The following SLC35D2 variants were observed in gnomAD, a reference collection of about 807,000 sequenced individuals.
SLC35D2 encodes nucleotide sugar transporter SLC35D2.
SLC35D2 carries 43 observed loss-of-function variants against 41.8 expected under a neutral mutation model. The observed-to-expected ratio is 1.03, with a 90% CI of 0.81 to 1.33. SLC35D2 has a LOEUF of 1.33. SLC35D2 is among the 40% of genes most tolerant of loss of function. The pLI is 0.00. For missense variants in SLC35D2, 380 were observed against 408.4 expected (o/e 0.93, Z 0.60); for synonymous variants, 150 against 163.9 (o/e 0.92, Z 0.65).
chr9:96,356,212 G>A (rs1333604354), intron 4 of SLC35D2, among the ~76,000 whole-genome samples: 1 of 152,180 alleles, frequency 6.6e-6, no homozygotes, highest in Non-Finnish European at 1.5e-5. Context: ...GCCCTCACCA[G>A]ATGCAGATGC....
intron 1 of SLC35D2, among the ~76,000 whole-genome samples, chr9:96,372,767 G>GT (rs1385429721): frequency 6.7e-6 from 1 of 149,974 alleles, no homozygotes; most frequent in East Asian, 2.0e-4. Flanking sequence ...TGTATTTTTA[G>GT]TAGAAACGGG....
chr9:96,372,437 ATCTTTGG>A, intron 1 of SLC35D2, among the ~76,000 whole-genome samples: 2 of 152,210 alleles, frequency 1.3e-5, no homozygotes, highest in Middle Eastern at 6.8e-3. Context: ...CATAAAAAAC[ATCTTTGG>A]GACAACTGGG....
At chr9:96,344,691 C>T (rs1829495209) in intron 7 of SLC35D2, among the ~76,000 whole-genome samples, 1 of 133,408 alleles carries the variant, frequency 7.5e-6, no homozygotes, top group African/African-American at 2.8e-5. Context: ...GACTCATCCT[C>T]CGGGCTTCCT....
At chr9:96,353,759 C>A (rs1465883007) in intron 4 of SLC35D2, among the ~76,000 whole-genome samples, 1 of 152,236 alleles carries the variant, frequency 6.6e-6, no homozygotes, top group Non-Finnish European at 1.5e-5. Flanking sequence ...GAACCTTCTA[C>A]CCACTCCTAA....
At chr9:96,351,748 A>T (rs1244539915) in intron 5 of SLC35D2, among the ~76,000 whole-genome samples, 1 of 152,178 alleles carries the variant, frequency 6.6e-6, no homozygotes, top group Non-Finnish European at 1.5e-5. Flanking sequence ...AAATTGGTTT[A>T]TATTCCATCT....
At position 96,383,565 on chromosome 9, in the gene SLC35D2, G is replaced by A. The variant is rs1387096222; in HGVS notation, c.70C>T (p.Arg24Trp). ...AGCGCCGACAGCAGCCGGGCCACCC[G>A]CGAGGGCAGCCGCGCCGCGCCGGGC... ...GEPGAARLPS[R>W]VARLLSALFY... Residue 24 changes from arginine (R) to tryptophan (W), a missense_variant, in exon 1 of 12, where the codon CGG (arginine) becomes TGG (tryptophan). Transcript: ENST00000253270. 4.0e-6 allele frequency: 6 copies of A among 1,490,634 alleles called. No homozygotes were observed. The highest frequency in any genetic ancestry group is 1.5e-5 in the African/African-American group (1 of 68,326). The allele number at this position is 1,490,634 out of a possible 1,614,324, so 92.3% of individuals were successfully genotyped here.
rs1011077046 is a variant in SLC35D2 at position 96,326,698 on chromosome 9, G to A, written c.753-2529C>T. The stretch of plus-strand genomic sequence containing the variant: ...CATGCGCCTGTAATCCCAGCTACTC[G>A]GAGGCGCTGAGGCAGGAGAATTGCT... On this transcript the variant is annotated intron_variant, in intron 9 of 11. Coordinates refer to ENST00000253270, the MANE Select transcript of SLC35D2 (RefSeq NM_007001.3). Among the ~76,000 whole-genome samples, 3 of 151,678 alleles carry A rather than the reference G, an allele frequency of 2.0e-5. No individual in the cohort carries two copies. In the East Asian group the frequency reaches 5.8e-4, roughly 29 times the overall value.
intron 1 of SLC35D2, among the ~76,000 whole-genome samples, chr9:96,374,807 C>A (rs369730965): frequency 1.3e-4 from 19 of 148,072 alleles, no homozygotes; most frequent in African/African-American, 4.7e-4. Flanking sequence ...CACTGCACTC[C>A]AGCCTGCGCA....
intron 3 of SLC35D2, among the ~76,000 whole-genome samples, chr9:96,363,773 T>C (rs1203510209): frequency 6.6e-6 from 1 of 152,224 alleles, no homozygotes; most frequent in Non-Finnish European, 1.5e-5. Flanking sequence ...TAAAGTTTTA[T>C]TGGAACACAT....
intron 9 of SLC35D2, among the ~76,000 whole-genome samples, chr9:96,329,756 A>G (rs552675156): frequency 1.3e-5 from 2 of 152,324 alleles, no homozygotes; most frequent in East Asian, 3.9e-4. Context: ...GTGAGAGAAC[A>G]TTTTCACAGA....
exon 12 of SLC35D2, among the ~76,000 whole-genome samples, chr9:96,313,533 T>A (rs1827980997): frequency 1.3e-5 from 2 of 152,168 alleles, no homozygotes; most frequent in Non-Finnish European, 2.9e-5. Flanking sequence ...TCCCCAGGTA[T>A]CACCCAAAGC....
At chr9:96,354,019 T>C (rs1478035423) in intron 4 of SLC35D2, among the ~76,000 whole-genome samples, 1 of 152,212 alleles carries the variant, frequency 6.6e-6, no homozygotes, top group Non-Finnish European at 1.5e-5. Flanking sequence ...TCAGGAACTT[T>C]ATATTCACAC....
At chr9:96,316,396 G>A (rs916561952), downstream of SLC35D2, among the ~76,000 whole-genome samples, 9 of 152,008 alleles carry the variant, frequency 5.9e-5, no homozygotes, top group African/African-American at 1.9e-4. Context: ...AGCTACTCAG[G>A]AGGCTGAGGC....
chr9:96,329,256 G>C (rs534600429), intron 9 of SLC35D2, among the ~76,000 whole-genome samples: 1 of 151,392 alleles, frequency 6.6e-6, no homozygotes, highest in South Asian at 2.1e-4. Flanking sequence ...TTAGAGACAG[G>C]CTCTCCCTCT....
chr9:96,349,495 G>A lies in SLC35D2; in HGVS notation c.488+1608C>T, dbSNP rs1587686249. On this transcript the variant is annotated intron_variant, in intron 6 of 11. Transcript: ENST00000253270. ...CAGGCATGGGAAGGTAAATCTGTGT[G>A]TCTTTCTCTCCTCTCAATCTGCTCT... Among the ~76,000 whole-genome samples, 7 of 151,876 alleles carry A rather than the reference G, an allele frequency of 4.6e-5. No homozygotes were observed. The East Asian group carries it at 7.8e-4, about 17-fold the overall frequency.
At chr9:96,324,204 T>C in intron 9 of SLC35D2, 35 bp from the exon 10 acceptor site, 1 of 1,571,984 alleles carries the variant, frequency 6.4e-7, no homozygotes, top group Non-Finnish European at 8.8e-7. Context: ...AGTGTGTGCC[T>C]CACTACGCTG....
chr9:96,354,327 T>A (rs1829931710), intron 4 of SLC35D2, among the ~76,000 whole-genome samples: 1 of 152,208 alleles, frequency 6.6e-6, no homozygotes, highest in African/African-American at 2.4e-5. Flanking sequence ...TATCTCTATT[T>A]GCAGAGAACA....
At chr9:96,354,431 A>T (rs1406439474) in intron 4 of SLC35D2, among the ~76,000 whole-genome samples, 1 of 152,194 alleles carries the variant, frequency 6.6e-6, no homozygotes, top group Non-Finnish European at 1.5e-5. Context: ...AAACGAATAT[A>T]CAAAAGTCAA....
intron 1 of SLC35D2, among the ~76,000 whole-genome samples, chr9:96,378,554 A>T (rs1474372453): frequency 6.6e-6 from 1 of 152,228 alleles, no homozygotes; most frequent in East Asian, 1.9e-4. Context: ...TTTATTAAGC[A>T]TCATTAGCAA....
Sources: gnomAD v4.1 joint callset for allele counts (sites outside exome capture counted in the v4.1 genomes callset) on GRCh38, gnomAD v4.1.1 for gene constraint, MANE v1.5 for transcripts, NCBI Gene and HGNC (gene_info 2026-07-23, HGNC 2026-07-21) for gene names.